CDH20: variants seen among roughly 807,000 people sequenced by gnomAD.
The protein encoded by CDH20 is cadherin-20.
In CDH20, 29 loss-of-function variants were observed where a neutral mutation model predicts 74.2. The observed-to-expected ratio is 0.39, with a 90% CI of 0.29 to 0.53. CDH20 has a LOEUF of 0.53. CDH20 is among the 20% of genes least tolerant of loss of function. The pLI is 0.69. For missense variants in CDH20, 988 were observed against 1,048.3 expected, an observed-to-expected ratio of 0.94 and a Z score of 0.79; for synonymous variants, 469 against 405.4, an observed-to-expected ratio of 1.16 and a Z score of -1.88.
At chr18:61,482,546 T>G (rs1208346501) in intron 1 of CDH20, among the ~76,000 whole-genome samples, 4 of 152,222 alleles carry the variant, frequency 2.6e-5, no homozygotes, top group African/African-American at 4.8e-5. Flanking sequence ...CCAGAAACAC[T>G]ACTAAACAGA....
chr18:61,553,871 A>C (rs1352234166), intron 11 of CDH20, among the ~76,000 whole-genome samples: 1 of 152,150 alleles, frequency 6.6e-6, no homozygotes, highest in Non-Finnish European at 1.5e-5. Context: ...GTGCTTTGTT[A>C]GTGGGATTTT....
chr18:61,451,589 TTTTAA>T (rs1909388397), intron 1 of CDH20, among the ~76,000 whole-genome samples: 2 of 152,064 alleles, frequency 1.3e-5, no homozygotes, highest in African/African-American at 4.8e-5. Flanking sequence ...CTGAAAGAGT[TTTTAA>T]TTTAATTAAT....
chr18:61,335,459 C>T (rs749009640), intron 1 of CDH20, among the ~76,000 whole-genome samples: 13 of 152,150 alleles, frequency 8.5e-5, no homozygotes, highest in African/African-American at 3.1e-4. Flanking sequence ...CAAGCCTCCA[C>T]GCTGGCCACA....
At chr18:61,547,808 T>A (rs1158598231) in intron 10 of CDH20, among the ~76,000 whole-genome samples, 1 of 151,876 alleles carries the variant, frequency 6.6e-6, no homozygotes, top group Non-Finnish European at 1.5e-5. Context: ...ATTATCACAT[T>A]CAACAAAAAT....
intron 1 of CDH20, among the ~76,000 whole-genome samples, chr18:61,398,999 G>A (rs1164593855): frequency 6.6e-6 from 1 of 152,144 alleles, no homozygotes; most frequent in Non-Finnish European, 1.5e-5. Flanking sequence ...AGCTTTTGAG[G>A]AGCACAGGGT....
At chr18:61,369,867 A>G (rs1384124077) in intron 1 of CDH20, among the ~76,000 whole-genome samples, 1 of 152,134 alleles carries the variant, frequency 6.6e-6, no homozygotes, top group African/African-American at 2.4e-5. Flanking sequence ...ACTGACAAGA[A>G]CACATGGACA....
intron 1 of CDH20, chr18:61,334,257 G>T (rs1909673369): frequency 6.6e-6 from 1 of 152,142 alleles, no homozygotes; most frequent in South Asian, 2.1e-4. Context: ...CAGGGTGGCC[G>T]CGTCCCTCGC....
At chr18:61,367,689 G>A (rs1387163423) in intron 1 of CDH20, among the ~76,000 whole-genome samples, 1 of 152,112 alleles carries the variant, frequency 6.6e-6, no homozygotes, top group Non-Finnish European at 1.5e-5. Context: ...TAAAGAACCT[G>A]CATTAGTTTC....
At chr18:61,544,941 A>G in intron 9 of CDH20, 86 bp from the exon 10 acceptor site, 2 of 835,448 alleles carry the variant, frequency 2.4e-6, no homozygotes, top group Non-Finnish European at 4.2e-6. Context: ...ACATCCCACC[A>G]TCGCGTTTCC....
At chr18:61,470,252 C>T (rs1396769775) in intron 1 of CDH20, among the ~76,000 whole-genome samples, 2 of 152,196 alleles carry the variant, frequency 1.3e-5, no homozygotes, top group African/African-American at 2.4e-5. Context: ...CATCCCTGTA[C>T]ACAACCTATC....
Position 61,550,201 on chromosome 18 carries a change from C to T in CDH20, c.1872C>T (p.Ala624=), listed in dbSNP as rs1568187223. The T allele has an allele frequency of 6.2e-7, 1 of 1,613,734 alleles. No homozygotes were observed. Among genetic ancestry groups the T allele is most frequent in the Admixed American group, 1.7e-5 (1 of 60,004 alleles). The change falls in exon 11 of 12, where the codon GCC becomes GCT. Residue 624 remains alanine (A), a synonymous_variant. Coordinates refer to ENST00000262717, the MANE Select transcript of CDH20 (RefSeq NM_031891.4). ...PVSLSRGALI[A]ILACIFVLLV... ...GTTTGAGCCGGGGCGCCCTCATTGC[C>T]ATCCTCGCCTGCATCTTTGTCCTCT... is the stretch of plus-strand genomic sequence containing the variant.
chr18:61,512,086 C>T (rs1222320394), intron 6 of CDH20, among the ~76,000 whole-genome samples: 1 of 152,094 alleles, frequency 6.6e-6, no homozygotes, highest in African/African-American at 2.4e-5. Context: ...GATTTATTTC[C>T]CTTAGGCCTA....
chr18:61,549,911 G>C (rs1913372821), intron 10 of CDH20, 67 bp from the exon 11 acceptor site: 1 of 1,545,390 alleles, frequency 6.5e-7, no homozygotes, highest in Admixed American at 1.7e-5. Context: ...CTGCCCCCTT[G>C]CTTTCCTCAA....
intron 10 of CDH20, among the ~76,000 whole-genome samples, chr18:61,545,360 A>G (rs1913209071): frequency 6.7e-6 from 1 of 150,246 alleles, no homozygotes; most frequent in East Asian, 2.0e-4. Flanking sequence ...CTCCCATCTC[A>G]GCCTCCCAAA....
In CDH20 at chr18:61,500,365, A is replaced by G. The variant is rs867387320; in HGVS notation, c.542-18A>G. 3.1e-6 allele frequency: 5 copies of G among 1,610,000 alleles called. No individual in the cohort carries two copies. The Middle Eastern group carries it at 6.6e-4, about 213-fold the overall frequency. ...AGCTATTAGACTTGAACAGGTTTCT[A>G]CCTCTTCTCTTCCCCAGGTACCTCC... On this transcript the variant is annotated intron_variant, in intron 3 of 11. Coordinates refer to ENST00000262717, the MANE Select transcript of CDH20 (RefSeq NM_031891.4).
chr18:61,346,973 T>G (rs1347676399), intron 1 of CDH20, among the ~76,000 whole-genome samples: 1 of 152,060 alleles, frequency 6.6e-6, no homozygotes, highest in Non-Finnish European at 1.5e-5. Flanking sequence ...AGTGCTGGGC[T>G]TATCTTCTGC....
intron 1 of CDH20, among the ~76,000 whole-genome samples, chr18:61,409,721 A>C (rs1912436077): frequency 6.6e-6 from 1 of 152,214 alleles, no homozygotes. Flanking sequence ...TTAAGTAATG[A>C]ACTGCAACAT....
At chr18:61,368,500 T>C (rs914709971) in intron 1 of CDH20, among the ~76,000 whole-genome samples, 7 of 152,034 alleles carry the variant, frequency 4.6e-5, no homozygotes, top group Non-Finnish European at 1.0e-4. Flanking sequence ...GGTAAATAGA[T>C]ATTTTTACAA....
chr18:61,334,927 C>T (rs1909707098), intron 1 of CDH20, among the ~76,000 whole-genome samples: 1 of 152,088 alleles, frequency 6.6e-6, no homozygotes, highest in Non-Finnish European at 1.5e-5. Context: ...GCAGCCGCCT[C>T]CCCTCAAATG....
Sources: gnomAD v4.1 joint callset for allele counts (sites outside exome capture counted in the v4.1 genomes callset) on GRCh38, gnomAD v4.1.1 for gene constraint, MANE v1.5 for transcripts, NCBI Gene and HGNC (gene_info 2026-07-23, HGNC 2026-07-21) for gene names.